CHD6: variants seen among roughly 807,000 people sequenced by gnomAD.
CHD6 encodes the protein chromodomain helicase DNA binding protein 6, also known as ATP-dependent chromatin remodeler CHD6.
In CHD6, 50 loss-of-function variants were observed where a neutral mutation model predicts 276.9. The ratio of observed to expected loss-of-function variants is 0.18; its 90% CI spans 0.14 to 0.23. The LOEUF (loss-of-function observed/expected upper bound fraction) is 0.23, where lower values mean the gene tolerates loss of function less well. Among genes scored for constraint, CHD6 ranks in the 10% least tolerant of loss-of-function variants. The pLI, the probability that CHD6 is intolerant of heterozygous loss-of-function variation, is 1.00. For synonymous variants in CHD6, 1,173 were observed against 1,229.3 expected, an observed-to-expected ratio of 0.95 and a Z score of 0.96; for missense variants, 2,564 against 3,365.8, an observed-to-expected ratio of 0.76 and a Z score of 5.89.
Position 41,403,450 on chromosome 20 carries a change from C to T in CHD6, c.*1143G>A. 1 of 1,061,912 alleles carries T rather than the reference C, an allele frequency of 9.4e-7. No homozygotes were observed. The highest frequency in any genetic ancestry group is 1.1e-6 in the Non-Finnish European group (1 of 877,228). The allele number at this position is 1,061,912 out of a possible 1,614,324, so 65.8% of individuals were successfully genotyped here. On this transcript the variant is annotated 3_prime_UTR_variant, in exon 37 of 37. Coordinates refer to ENST00000373233, the MANE Select transcript of CHD6 (RefSeq NM_032221.5). Reference sequence around the variant, plus strand: ...AAGAAGAGAAAATAATGTTGACTTGCAATGTAGTTTCGATTAACTGATAAT... The same window carrying T: ...AAGAAGAGAAAATAATGTTGACTTGTAATGTAGTTTCGATTAACTGATAAT...
At chr20:41,590,918 T>C (rs536862173) in intron 1 of CHD6, among the ~76,000 whole-genome samples, 13 of 151,658 alleles carry the variant, frequency 8.6e-5, no homozygotes, top group African/African-American at 2.9e-4. Flanking sequence ...CACGTATGTT[T>C]ACTGCAGCAC....
At chr20:41,412,308 G>A in intron 35 of CHD6, 45 bp from the exon 36 acceptor site, 1 of 1,605,838 alleles carries the variant, frequency 6.2e-7, no homozygotes, top group Non-Finnish European at 8.5e-7. Flanking sequence ...TGCTATCCCA[G>A]ATTCTTCTGA....
intron 1 of CHD6, among the ~76,000 whole-genome samples, chr20:41,594,883 G>C (rs2045701979): frequency 6.6e-6 from 1 of 152,220 alleles, no homozygotes; most frequent in African/African-American, 2.4e-5. Context: ...AAAAACCCCT[G>C]CCCTACCCTG....
At chr20:41,437,085 T>A (rs1199902303) in intron 27 of CHD6, 189 bp downstream of exon 27, 2 of 571,578 alleles carry the variant, frequency 3.5e-6, no homozygotes, top group African/African-American at 3.8e-5. Flanking sequence ...TATCTCAAAA[T>A]AAAAAGTTTA....
intron 1 of CHD6, among the ~76,000 whole-genome samples, chr20:41,555,259 A>G (rs1601136652): frequency 8.0e-6 from 1 of 124,730 alleles, no homozygotes; most frequent in African/African-American, 3.2e-5. Context: ...TCCCTCCTGG[A>G]CGGGGCGGCT....
At chr20:41,424,833 G>A (rs1002162556) in intron 29 of CHD6, among the ~76,000 whole-genome samples, 4 of 152,218 alleles carry the variant, frequency 2.6e-5, no homozygotes, top group African/African-American at 9.6e-5. Context: ...AGTGCATACT[G>A]TTCCCTTTGT....
At chr20:41,606,457 T>G (rs1184899077) in intron 1 of CHD6, among the ~76,000 whole-genome samples, 1 of 152,168 alleles carries the variant, frequency 6.6e-6, no homozygotes, top group East Asian at 1.9e-4. Context: ...GAGTTTGCAG[T>G]GAGCCGAGAT....
chr20:41,514,570 C>T (rs963429126), intron 4 of CHD6, among the ~76,000 whole-genome samples: 2 of 152,192 alleles, frequency 1.3e-5, no homozygotes, highest in Non-Finnish European at 2.9e-5. Flanking sequence ...GCCTAATATC[C>T]TGCTACCTTC....
chr20:41,403,462 G>C lies in CHD6; in HGVS notation c.*1131C>G, dbSNP rs773657560. The C allele has an allele frequency of 1.3e-5, 14 of 1,061,620 alleles. No individual in the cohort carries two copies. Among genetic ancestry groups the C allele is most frequent in the Middle Eastern group, 4.1e-4 (1 of 2,410 alleles). The allele number at this position is 1,061,620 out of a possible 1,614,324, so 65.8% of individuals were successfully genotyped here. ...TAATGTTGACTTGCAATGTAGTTTC[G>C]ATTAACTGATAATTTGGAATTTGGG... On this transcript the variant is annotated 3_prime_UTR_variant, in exon 37 of 37. Transcript: ENST00000373233.
intron 7 of CHD6, 27 bp downstream of exon 7, chr20:41,498,141 T>C (rs1381413165): frequency 6.5e-7 from 1 of 1,534,688 alleles, no homozygotes; most frequent in Non-Finnish European, 9.0e-7. Context: ...AAAACCCAAA[T>C]ACAGAGAATA....
chr20:41,614,002 T>TAA (rs1222290934), intron 1 of CHD6, among the ~76,000 whole-genome samples: 1 of 150,152 alleles, frequency 6.7e-6, no homozygotes, highest in Non-Finnish European at 1.5e-5. Context: ...AAAACAATCT[T>TAA]AGAGTATAAA....
rs200381276 is a variant in CHD6, at chr20:41,416,614, C to T, written c.6460G>A (p.Ala2154Thr). ...EAAEHSFSNG[A>T]ALAAQIHKES... Reference sequence around the variant, plus strand: ...TTGTGGATCTGGGCCGCCAATGCTGCGCCGTTGCTGAAGCTGTGTTCTGCT... The same window carrying T: ...TTGTGGATCTGGGCCGCCAATGCTGTGCCGTTGCTGAAGCTGTGTTCTGCT... The change falls in exon 33 of 37, where the codon GCA (alanine) becomes ACA (threonine). Residue 2154 changes from alanine to threonine, a missense_variant. Physicochemically the swap from Ala to Thr is moderately conservative, Grantham distance 58. Around this residue, in one of 7 missense-constraint regions of CHD6, gnomAD observed 1,024 missense variants for 1,047.9 expected, o/e 0.98. Transcript: ENST00000373233. 25 of 1,612,892 alleles carry T rather than the reference C, an allele frequency of 1.6e-5. No homozygotes were observed. The highest frequency in any genetic ancestry group is 8.0e-5 in the African/African-American group (6 of 74,890).
At chr20:41,422,285 A>C (rs2047220189) in intron 30 of CHD6, among the ~76,000 whole-genome samples, 1 of 152,188 alleles carries the variant, frequency 6.6e-6, no homozygotes, top group African/African-American at 2.4e-5. Flanking sequence ...AGGGTGTGAA[A>C]GAAGAGCATA....
At chr20:41,555,174 A>C (rs2045208403) in intron 1 of CHD6, among the ~76,000 whole-genome samples, 2 of 118,076 alleles carry the variant, frequency 1.7e-5, no homozygotes, top group East Asian at 3.7e-4. Context: ...ACTTCCCAGT[A>C]GGGGCGGCCG....
rs773475798 is a variant in CHD6, at chr20:41,493,949, C to A, written c.1093-5G>T. 7 of 1,612,240 alleles carry A rather than the reference C, an allele frequency of 4.3e-6. No homozygotes were observed. The highest frequency in any genetic ancestry group is 1.7e-4 in the Middle Eastern group (1 of 6,028). On this transcript the variant is annotated splice_polypyrimidine_tract_variant and splice_region_variant and intron_variant, in intron 8 of 36. Transcript: ENST00000373233. ...ATTGAACAAGTCTTCATCAGGCTAACACAAACAGAGGAGAACAGTTAGGAA... is the reference window on the plus strand; with the variant it reads ...ATTGAACAAGTCTTCATCAGGCTAAAACAAACAGAGGAGAACAGTTAGGAA...
chr20:41,580,479 G>A (rs2045524264), intron 1 of CHD6, among the ~76,000 whole-genome samples: 6 of 151,636 alleles, frequency 4.0e-5, no homozygotes, highest in Middle Eastern at 3.4e-3. Flanking sequence ...ACATAAGGAC[G>A]CCCCATCTCT....
intron 3 of CHD6, among the ~76,000 whole-genome samples, 188 bp downstream of exon 3, chr20:41,532,862 C>T (rs1329290649): frequency 6.6e-6 from 1 of 152,234 alleles, no homozygotes; most frequent in Non-Finnish European, 1.5e-5. Flanking sequence ...AAACAGCAAC[C>T]TCCAAGGACA....
rs6072390 is a variant in CHD6, at chr20:41,498,815, G to A, written c.915+480C>T. ...TATGTATGTATGTATGTATGTATGT[G>A]TGTGTGTGTGTGTGTGTGTGTGTGT... On this transcript the variant is annotated intron_variant, in intron 6 of 36. Coordinates refer to ENST00000373233, the MANE Select transcript of CHD6 (RefSeq NM_032221.5). Among the ~76,000 whole-genome samples the A allele has an allele frequency of 2.7e-3, 187 of 70,488 alleles. 2 individuals carry two copies. The highest frequency in any genetic ancestry group is 4.8e-3 in the Admixed American group (36 of 7,570). The allele number at this position is 70,488 out of a possible 152,430, so 46.2% of individuals were successfully genotyped here. A position where few individuals can be genotyped will look rare whatever the true frequency, so the allele number is the denominator to read the frequency against.
chr20:41,490,117 A>G (rs1316617191), intron 11 of CHD6, 96 bp from the exon 12 acceptor site: 3 of 981,254 alleles, frequency 3.1e-6, no homozygotes, highest in African/African-American at 3.2e-5. Context: ...TACCTGTAAG[A>G]TTATCATTGA....
Sources: gnomAD v4.1 joint callset for allele counts (sites outside exome capture counted in the v4.1 genomes callset) on GRCh38, gnomAD v4.1.1 for gene constraint, gnomAD v4.1.1 regional missense constraint, MANE v1.5 for transcripts, NCBI Gene and HGNC (gene_info 2026-07-23, HGNC 2026-07-21) for gene names.